Variants in POU6F2 observed in about 807,000 individuals in gnomAD.
The protein encoded by POU6F2 is POU class 6 homeobox 2, also known as POU domain, class 6, transcription factor 2.
In POU6F2, 31 loss-of-function variants were observed where a neutral mutation model predicts 71.3. That is an observed-to-expected ratio of 0.43 (90% CI 0.33 to 0.59). The LOEUF (loss-of-function observed/expected upper bound fraction) is 0.59. Among genes scored for constraint, POU6F2 ranks in the 20% least tolerant of loss-of-function variants. POU6F2 has a pLI of 0.04. For synonymous variants in POU6F2, 347 were observed against 355.7 expected (o/e 0.98, Z 0.27); for missense variants, 783 against 856.8 (o/e 0.91, Z 1.07).
chr7:39,064,198 TATA>T (rs1238351282), intron 1 of POU6F2, among the ~76,000 whole-genome samples: 5 of 152,152 alleles, frequency 3.3e-5, no homozygotes, highest in South Asian at 2.1e-4. Context: ...AAAATATTTT[TATA>T]ATAATAGTAA....
At position 39,357,073 on chromosome 7, in the gene POU6F2, G is replaced by A. The variant is rs2237409; in HGVS notation, c.972+17058G>A. Among the ~76,000 whole-genome samples, 1,482 of 152,202 alleles carry A rather than the reference G, an allele frequency of 9.7e-3. 50 individuals carry two copies. In the East Asian group the frequency reaches 0.1, roughly 11 times the overall value. On this transcript the variant is annotated intron_variant, in intron 5 of 9. Coordinates refer to ENST00000518318, the MANE Select transcript of POU6F2 (RefSeq NM_001370959.1). The stretch of plus-strand genomic sequence containing the variant: ...AATACTTTATAGATCTGATTGATCC[G>A]TGGGTTAAATCATGTTACCCAAAGC...
At chr7:39,112,664 C>A (rs1791842289) in intron 2 of POU6F2, among the ~76,000 whole-genome samples, 1 of 140,942 alleles carries the variant, frequency 7.1e-6, no homozygotes, top group African/African-American at 2.5e-5. Context: ...CTCTAGGGGC[C>A]AATTATAGCC....
At chr7:39,013,531 T>G (rs62443625) in intron 1 of POU6F2, 3 of 153,890 alleles carry the variant, frequency 1.9e-5, no homozygotes, top group Non-Finnish European at 2.9e-5. Flanking sequence ...GCTGTTCCTA[T>G]GCGGCCATCT....
intron 1 of POU6F2, among the ~76,000 whole-genome samples, chr7:39,024,188 T>C (rs955793179): frequency 7.2e-5 from 11 of 152,064 alleles, no homozygotes; most frequent in African/African-American, 2.7e-4. Flanking sequence ...CATTGAGCAG[T>C]GGTTTGTAGT....
chr7:39,143,448 TGG>T (rs986055646), intron 2 of POU6F2, among the ~76,000 whole-genome samples: 3 of 152,238 alleles, frequency 2.0e-5, no homozygotes, highest in Non-Finnish European at 4.4e-5. Context: ...TGAAGCTGTC[TGG>T]GAAGCTCTCT....
chr7:38,981,404 C>T (rs1207944047), intron 1 of POU6F2, among the ~76,000 whole-genome samples: 1 of 152,160 alleles, frequency 6.6e-6, no homozygotes, highest in African/African-American at 2.4e-5. Flanking sequence ...CTGCTGTCCC[C>T]AGAGGACTTA....
intron 2 of POU6F2, among the ~76,000 whole-genome samples, chr7:39,154,648 CT>C (rs1792828518): frequency 6.6e-6 from 1 of 152,076 alleles, no homozygotes; most frequent in Admixed American, 6.6e-5. Flanking sequence ...GTTGATAACC[CT>C]GAATGAAACA....
chr7:39,351,752 A>G (rs1327751079), intron 5 of POU6F2, among the ~76,000 whole-genome samples: 2 of 152,166 alleles, frequency 1.3e-5, no homozygotes, highest in African/African-American at 4.8e-5. Context: ...GTGCTACTCA[A>G]TGGACCCACC....
chr7:39,021,197 T>A (rs1789672926), intron 1 of POU6F2, among the ~76,000 whole-genome samples: 1 of 152,018 alleles, frequency 6.6e-6, no homozygotes, highest in Non-Finnish European at 1.5e-5. Flanking sequence ...GCTTACAATG[T>A]GGAATGATTA....
chr7:39,056,919 GTATGACCC>G (rs1584520660), intron 1 of POU6F2, among the ~76,000 whole-genome samples: 1 of 151,992 alleles, frequency 6.6e-6, no homozygotes, highest in East Asian at 1.9e-4. Flanking sequence ...TAACTTGTCT[GTATGACCC>G]TTTCTTTTCT....
intron 9 of POU6F2, among the ~76,000 whole-genome samples, chr7:39,462,817 T>C (rs1416474710): frequency 1.3e-5 from 2 of 152,184 alleles, no homozygotes; most frequent in Non-Finnish European, 2.9e-5. Flanking sequence ...GAGTTCTACA[T>C]GGAAGGGAAT....
At chr7:39,321,902 G>C (rs1201801809) in intron 4 of POU6F2, among the ~76,000 whole-genome samples, 2 of 151,814 alleles carry the variant, frequency 1.3e-5, no homozygotes, top group Admixed American at 1.3e-4. Context: ...TAGAGAGAGA[G>C]AGACAGAGAG....
chr7:39,173,180 A>G (rs1404460598), intron 2 of POU6F2, among the ~76,000 whole-genome samples: 2 of 152,240 alleles, frequency 1.3e-5, no homozygotes, highest in African/African-American at 2.4e-5. Context: ...TACGCATTCT[A>G]TATTTAACAC....
chr7:39,307,713 C>A (rs1785073761), intron 4 of POU6F2, among the ~76,000 whole-genome samples: 1 of 152,146 alleles, frequency 6.6e-6, no homozygotes, highest in Non-Finnish European at 1.5e-5. Flanking sequence ...CATGGTGACT[C>A]CCACCTGTAA....
chr7:39,108,977 T>C (rs1230345023), intron 2 of POU6F2, among the ~76,000 whole-genome samples: 1 of 152,196 alleles, frequency 6.6e-6, no homozygotes, highest in Non-Finnish European at 1.5e-5. Flanking sequence ...CAAAAACTTA[T>C]TGGGAGTCTT....
chr7:39,463,483 A>AT (rs1788994970), intron 9 of POU6F2, among the ~76,000 whole-genome samples: 1 of 152,156 alleles, frequency 6.6e-6, no homozygotes, highest in Admixed American at 6.5e-5. Flanking sequence ...AGTAATTACA[A>AT]TGTGTCCAGC....
At chr7:39,071,556 G>T (rs1428449671) in intron 1 of POU6F2, among the ~76,000 whole-genome samples, 1 of 151,744 alleles carries the variant, frequency 6.6e-6, no homozygotes, top group Non-Finnish European at 1.5e-5. Context: ...ACTGACACCT[G>T]TAATCCCAGC....
chr7:39,196,189 G>C (rs1185594645), intron 2 of POU6F2, among the ~76,000 whole-genome samples: 1 of 152,172 alleles, frequency 6.6e-6, no homozygotes, highest in Non-Finnish European at 1.5e-5. Flanking sequence ...GCGAAACACT[G>C]TTACAAAGGT....
intron 2 of POU6F2, among the ~76,000 whole-genome samples, chr7:39,200,555 G>A (rs112858656): frequency 0.016 from 2,415 of 152,220 alleles, 68 homozygotes; most frequent in African/African-American, 0.055. Context: ...TCATCCAGTG[G>A]TGCCAAGGAC....
Sources: gnomAD v4.1 joint callset for allele counts (sites outside exome capture counted in the v4.1 genomes callset) on GRCh38, gnomAD v4.1.1 for gene constraint, MANE v1.5 for transcripts, NCBI Gene and HGNC (gene_info 2026-07-23, HGNC 2026-07-21) for gene names.